Variants in GLB1 observed in about 807,000 individuals in gnomAD.
GLB1 encodes beta-galactosidase.
Under a neutral mutation model 74.0 loss-of-function variants are expected in GLB1, and 56 were observed. The observed-to-expected ratio is 0.76, with a 90% CI of 0.61 to 0.94. The LOEUF (loss-of-function observed/expected upper bound fraction) is 0.94, where lower values mean the gene tolerates loss of function less well. Ranked by LOEUF, GLB1 falls within the 40% of genes least tolerant of loss-of-function variation. The pLI, the probability that GLB1 is intolerant of heterozygous loss-of-function variation, is 0.00. For missense variants in GLB1, 787 were observed against 845.5 expected, an observed-to-expected ratio of 0.93 and a Z score of 0.86; for synonymous variants, 323 against 323.6, an observed-to-expected ratio of 1.00 and a Z score of 0.02.
chr3:33,005,172 G>A (rs1268013380), intron 15 of GLB1, among the ~76,000 whole-genome samples: 5 of 151,926 alleles, frequency 3.3e-5, no homozygotes, highest in African/African-American at 4.8e-5. Context: ...ATCCTAAGTC[G>A]CCTCATTAGC....
the GLB1 span, among the ~76,000 whole-genome samples, chr3:32,976,566 C>T: frequency 6.6e-6 from 1 of 152,174 alleles, no homozygotes; most frequent in Non-Finnish European, 1.5e-5. Flanking sequence ...TATTGTGCTT[C>T]CTTATCCCAA....
chr3:33,015,732 T>A (rs1391961720), intron 14 of GLB1, among the ~76,000 whole-genome samples: 2 of 152,168 alleles, frequency 1.3e-5, no homozygotes, highest in East Asian at 1.9e-4. Flanking sequence ...ACATTTATAC[T>A]GGAGGCAAAG....
intron 15 of GLB1, among the ~76,000 whole-genome samples, chr3:33,004,790 A>C (rs544881073): frequency 1.9e-4 from 29 of 152,186 alleles, no homozygotes; most frequent in Non-Finnish European, 3.5e-4. Flanking sequence ...TCTCCAGCAG[A>C]AGAGTAGCTT....
At chr3:33,066,060 C>T in intron 4 of GLB1, among the ~76,000 whole-genome samples, 1 of 151,684 alleles carries the variant, frequency 6.6e-6, no homozygotes. Flanking sequence ...TCAGGATATA[C>T]AGGACTCGAC....
chr3:32,985,784 C>T, the GLB1 span, among the ~76,000 whole-genome samples: 3 of 152,146 alleles, frequency 2.0e-5, no homozygotes, highest in African/African-American at 7.2e-5. Flanking sequence ...CAGCTCACTG[C>T]AACCTCCACC....
At chr3:33,055,034 G>C (rs1699155509) in intron 6 of GLB1, among the ~76,000 whole-genome samples, 1 of 152,262 alleles carries the variant, frequency 6.6e-6, no homozygotes, top group Non-Finnish European at 1.5e-5. Context: ...AGAATATGCT[G>C]ATTGAGAAAG....
chr3:33,049,036 C>T (rs368840894), intron 9 of GLB1, among the ~76,000 whole-genome samples: 3 of 151,972 alleles, frequency 2.0e-5, no homozygotes, highest in African/African-American at 7.3e-5. Flanking sequence ...CTATAATGTC[C>T]AATTTTTTTT....
At chr3:33,041,018 G>A (rs1698475277) in intron 10 of GLB1, among the ~76,000 whole-genome samples, 1 of 152,064 alleles carries the variant, frequency 6.6e-6, no homozygotes. Flanking sequence ...GCTGCACAGA[G>A]AAAAAGAGAT....
chr3:33,068,787 A>G (rs747844040), intron 3 of GLB1, 33 bp downstream of exon 3: 5 of 1,612,814 alleles, frequency 3.1e-6, no homozygotes, highest in Non-Finnish European at 4.2e-6. Flanking sequence ...CAGCTCACAC[A>G]CACCAGGTAG....
intron 1 of GLB1, among the ~76,000 whole-genome samples, chr3:33,083,397 CAAAAAAAAAA>C (rs60737086): frequency 9.6e-6 from 1 of 104,214 alleles, no homozygotes; most frequent in Admixed American, 1.2e-4. Flanking sequence ...AACTCTGTCT[CAAAAAAAAAA>C]AAAAAAAAAA....
At chr3:33,029,846 G>A (rs1459433222) in intron 10 of GLB1, among the ~76,000 whole-genome samples, 3 of 151,290 alleles carry the variant, frequency 2.0e-5, no homozygotes, top group African/African-American at 7.3e-5. Context: ...GACCTATCAG[G>A]TACTATGCTT....
At chr3:32,972,558 A>G in the GLB1 span, among the ~76,000 whole-genome samples, 1 of 151,928 alleles carries the variant, frequency 6.6e-6, no homozygotes, top group African/African-American at 2.4e-5. Context: ...CTTGCCTTTT[A>G]CCCCTGTTTA....
chr3:33,092,607 T>C, intron 1 of GLB1: 1 of 1,349,980 alleles, frequency 7.4e-7, no homozygotes, highest in South Asian at 2.2e-5. Context: ...ACCTTAGTGA[T>C]CTCACAAGTG....
At chr3:33,091,729 G>A (rs1700771566) in intron 1 of GLB1, 1 of 985,312 alleles carries the variant, frequency 1.0e-6, no homozygotes, top group South Asian at 4.7e-5. Context: ...GTGAGCAGCA[G>A]GGTTAGCCTC....
intron 10 of GLB1, among the ~76,000 whole-genome samples, chr3:33,038,243 A>T (rs1430624788): frequency 2.6e-5 from 4 of 152,162 alleles, no homozygotes; most frequent in Non-Finnish European, 4.4e-5. Context: ...AGCATTTAAC[A>T]CGGAAATTGT....
chr3:32,982,332 A>AC, the GLB1 span, among the ~76,000 whole-genome samples: 1 of 149,672 alleles, frequency 6.7e-6, no homozygotes, highest in Admixed American at 6.7e-5. Context: ...AAAAAAAAAA[A>AC]ACTTATTTCA....
intron 1 of GLB1, among the ~76,000 whole-genome samples, chr3:33,083,547 T>C (rs1700401368): frequency 6.6e-6 from 1 of 152,112 alleles, no homozygotes; most frequent in Non-Finnish European, 1.5e-5. Flanking sequence ...TCTAAATGAA[T>C]TGGCGCAGGA....
At chr3:33,058,335 T>G in intron 5 of GLB1, 66 bp from the exon 6 acceptor site, 1 of 1,601,432 alleles carries the variant, frequency 6.2e-7, no homozygotes, top group African/African-American at 1.3e-5. Flanking sequence ...ATGCAAGCTT[T>G]TGTGTGGGAA....
chr3:33,035,014 G>A (rs1698210491), intron 10 of GLB1, among the ~76,000 whole-genome samples: 1 of 152,040 alleles, frequency 6.6e-6, no homozygotes, highest in African/African-American at 2.4e-5. Context: ...GGCATTATTT[G>A]GGAGGTTTTG....
Sources: gnomAD v4.1 joint callset for allele counts (sites outside exome capture counted in the v4.1 genomes callset) on GRCh38, gnomAD v4.1.1 for gene constraint, MANE v1.5 for transcripts, NCBI Gene and HGNC (gene_info 2026-07-23, HGNC 2026-07-21) for gene names.